Variants in HEMK2 observed in about 807,000 individuals in gnomAD.
HEMK2 encodes methyltransferase HEMK2.
chr21:28,724,053 C>T, the HEMK2 span, among the ~76,000 whole-genome samples: 1 of 152,210 alleles, frequency 6.6e-6, no homozygotes, highest in Non-Finnish European at 1.5e-5. Context: ...GAGGACAATA[C>T]TTGGTCAAGG....
At chr21:28,849,271 GA>G in the HEMK2 span, among the ~76,000 whole-genome samples, 6 of 151,654 alleles carry the variant, frequency 4.0e-5, no homozygotes, top group African/African-American at 1.5e-4. Context: ...TTCCAGCAAA[GA>G]AAAAAACCCA....
the HEMK2 span, among the ~76,000 whole-genome samples, chr21:28,697,778 C>CAAAAAAAAAAAA: frequency 1.3e-3 from 103 of 79,504 alleles, 3 homozygotes; most frequent in African/African-American, 4.2e-3. Context: ...ATCATGAGCC[C>CAAAAAAAAAAAA]AAAAAAAAAA....
chr21:28,870,259 C>A, the HEMK2 span, among the ~76,000 whole-genome samples: 1 of 152,228 alleles, frequency 6.6e-6, no homozygotes, highest in African/African-American at 2.4e-5. Flanking sequence ...CAAACACAAG[C>A]ACAGTTCCCC....
At chr21:28,793,390 A>G in the HEMK2 span, among the ~76,000 whole-genome samples, 3 of 152,218 alleles carry the variant, frequency 2.0e-5, no homozygotes, top group Non-Finnish European at 4.4e-5. Flanking sequence ...TGCCACTTCC[A>G]ATCTGTGTGT....
chr21:28,711,906 T>A, the HEMK2 span, among the ~76,000 whole-genome samples: 6 of 152,144 alleles, frequency 3.9e-5, no homozygotes, highest in Non-Finnish European at 7.4e-5. Flanking sequence ...TTTTCACTTG[T>A]CCTTACATGG....
At chr21:28,823,999 CTAAAT>C in the HEMK2 span, among the ~76,000 whole-genome samples, 1 of 152,138 alleles carries the variant, frequency 6.6e-6, no homozygotes, top group Non-Finnish European at 1.5e-5. Context: ...GAGGAGGGGG[CTAAAT>C]TTGCATTTTT....
the HEMK2 span, among the ~76,000 whole-genome samples, chr21:28,831,634 G>GGAAAGAAAGAAA: frequency 1.2e-3 from 45 of 36,460 alleles, 2 homozygotes; most frequent in Non-Finnish European, 1.6e-3. Context: ...AAAGAAGGAA[G>GGAAAGAAAGAAA]GAAAGAAAGA....
the HEMK2 span, among the ~76,000 whole-genome samples, chr21:28,836,741 CA>C: frequency 6.6e-6 from 1 of 151,956 alleles, no homozygotes; most frequent in Non-Finnish European, 1.5e-5. Flanking sequence ...ACTCACCAAC[CA>C]ACCATCTGCT....
chr21:28,796,228 G>T, the HEMK2 span, among the ~76,000 whole-genome samples: 1 of 152,036 alleles, frequency 6.6e-6, no homozygotes, highest in Admixed American at 6.5e-5. Flanking sequence ...TCCGCCACCC[G>T]CCCCACTCTC....
the HEMK2 span, among the ~76,000 whole-genome samples, chr21:28,661,867 G>C: frequency 6.6e-6 from 1 of 152,134 alleles, no homozygotes; most frequent in East Asian, 1.9e-4. Flanking sequence ...TTACATCTAA[G>C]TAACCAAAGT....
At chr21:28,825,341 G>A in the HEMK2 span, among the ~76,000 whole-genome samples, 2 of 152,206 alleles carry the variant, frequency 1.3e-5, no homozygotes, top group African/African-American at 4.8e-5. Flanking sequence ...GATGCTGTTG[G>A]TCCCAGGATC....
At chr21:28,679,993 A>G in the HEMK2 span, among the ~76,000 whole-genome samples, 1 of 152,208 alleles carries the variant, frequency 6.6e-6, no homozygotes, top group African/African-American at 2.4e-5. Flanking sequence ...TAAAAGAACT[A>G]GAGAAGCAAG....
At chr21:28,733,683 T>C in the HEMK2 span, among the ~76,000 whole-genome samples, 2 of 151,990 alleles carry the variant, frequency 1.3e-5, no homozygotes, top group Non-Finnish European at 2.9e-5. Flanking sequence ...TTTTGCCCCA[T>C]GTAACCTTTT....
the HEMK2 span, among the ~76,000 whole-genome samples, chr21:28,692,873 C>G: frequency 1.3e-5 from 2 of 152,068 alleles, no homozygotes; most frequent in African/African-American, 4.8e-5. Flanking sequence ...AAACATTATA[C>G]TAAGTCAAAG....
the HEMK2 span, among the ~76,000 whole-genome samples, chr21:28,786,258 G>A: frequency 2.0e-5 from 3 of 152,182 alleles, no homozygotes; most frequent in Non-Finnish European, 4.4e-5. Context: ...GCTTCACAAG[G>A]TTGTTGCAAA....
At chr21:28,772,837 T>C in the HEMK2 span, among the ~76,000 whole-genome samples, 1 of 151,938 alleles carries the variant, frequency 6.6e-6, no homozygotes, top group African/African-American at 2.4e-5. Flanking sequence ...CTCTACATTA[T>C]ATTTGTCTCT....
the HEMK2 span, among the ~76,000 whole-genome samples, chr21:28,776,848 C>T: frequency 2.4e-3 from 372 of 152,258 alleles, 4 homozygotes; most frequent in Middle Eastern, 0.02. Flanking sequence ...CGTTCTTCTG[C>T]CTGCTTTTAT....
At chr21:28,662,854 G>C in the HEMK2 span, among the ~76,000 whole-genome samples, 2 of 152,082 alleles carry the variant, frequency 1.3e-5, no homozygotes. Context: ...TCTCAGGTAT[G>C]TCTTTATTAG....
the HEMK2 span, among the ~76,000 whole-genome samples, chr21:28,725,748 T>C: frequency 0.32 from 49,286 of 152,080 alleles, 8,960 homozygotes; most frequent in East Asian, 0.55. Flanking sequence ...TTTTTATAAT[T>C]TGGTCTTCAA....
Sources: allele counts gnomAD v4.1 joint callset (sites outside exome capture counted in the v4.1 genomes callset), GRCh38; gene constraint gnomAD v4.1.1; transcripts MANE v1.5; gene names NCBI Gene and HGNC (gene_info 2026-07-23, HGNC 2026-07-21).